Variants in GRB10 observed in about 807,000 individuals in gnomAD.
GRB10 encodes growth factor receptor bound protein 10, also known as growth factor receptor-bound protein 10.
Under a neutral mutation model 80.9 loss-of-function variants are expected in GRB10, and 20 were observed. That is an observed-to-expected ratio of 0.25 (90% CI 0.17 to 0.36). The LOEUF is 0.36. Ranked by LOEUF, GRB10 falls within the 10% of genes least tolerant of loss-of-function variation. The probability of loss-of-function intolerance (pLI) is 1.00; values close to 1 mark genes in which losing one functional copy is unlikely to be tolerated. For missense variants in GRB10, 548 were observed against 747.7 expected, an observed-to-expected ratio of 0.73 and a Z score of 3.12; for synonymous variants, 291 against 291.5, an observed-to-expected ratio of 1.00 and a Z score of 0.02.
intron 5 of GRB10, among the ~76,000 whole-genome samples, chr7:50,678,916 G>A (rs1176551160): frequency 3.3e-5 from 5 of 152,154 alleles, no homozygotes; most frequent in Admixed American, 6.5e-5. Flanking sequence ...AATGCTTCTC[G>A]CAGTGAATAT....
intron 5 of GRB10, among the ~76,000 whole-genome samples, chr7:50,676,789 C>T (rs541479008): frequency 8.5e-5 from 13 of 152,172 alleles, no homozygotes; most frequent in Middle Eastern, 3.4e-3. Context: ...GGGTCACCCC[C>T]GGGGGTAGTG....
At chr7:50,616,830 A>T (rs889940843) in intron 10 of GRB10, among the ~76,000 whole-genome samples, 1 of 152,246 alleles carries the variant, frequency 6.6e-6, no homozygotes, top group Admixed American at 6.5e-5. Flanking sequence ...CTCTTCCCAC[A>T]GGCAGCCTTA....
Position 50,676,348 on chromosome 7 carries a change from G to A in GRB10, c.140-1690C>T, listed in dbSNP as rs1002377690. Among the ~76,000 whole-genome samples the A allele has an allele frequency of 6.0e-4, 90 of 150,540 alleles. 4 individuals carry two copies. The highest frequency in any genetic ancestry group is 2.0e-3 in the African/African-American group (83 of 40,566). ...TGTCCACCCCACCGGGGGGGGGGGG[G>A]GGTTGTAAGGACTAGGTTAGTTATT... On this transcript the variant is annotated intron_variant, in intron 5 of 18. Coordinates refer to ENST00000401949, the MANE Select transcript of GRB10 (RefSeq NM_001350814.2).
intron 11 of GRB10, 130 bp from the exon 12 acceptor site, chr7:50,615,010 T>C (rs2050311323): frequency 1.4e-6 from 1 of 709,178 alleles, no homozygotes; most frequent in Admixed American, 2.0e-5. Flanking sequence ...ATATTACATA[T>C]GATTATTACG....
chr7:50,760,775 T>C (rs1053734919), intron 2 of GRB10, among the ~76,000 whole-genome samples: 7 of 152,212 alleles, frequency 4.6e-5, no homozygotes, highest in Non-Finnish European at 8.8e-5. Context: ...AGTGGGCACG[T>C]GTCTTCACTC....
At chr7:50,651,970 C>A (rs1405839320) in intron 7 of GRB10, among the ~76,000 whole-genome samples, 1 of 152,260 alleles carries the variant, frequency 6.6e-6, no homozygotes, top group Non-Finnish European at 1.5e-5. Flanking sequence ...GGACGCCCAG[C>A]CACACAGGTC....
intron 7 of GRB10, among the ~76,000 whole-genome samples, chr7:50,668,289 C>T (rs1033712932): frequency 6.6e-6 from 1 of 152,106 alleles, no homozygotes; most frequent in Non-Finnish European, 1.5e-5. Flanking sequence ...GGATGGCTGG[C>T]CTGTCTTGCT....
intron 5 of GRB10, among the ~76,000 whole-genome samples, chr7:50,687,903 A>G (rs1441119095): frequency 6.6e-6 from 1 of 152,274 alleles, no homozygotes; most frequent in Non-Finnish European, 1.5e-5. Context: ...ATAGACACTT[A>G]GCACTCAACA....
chr7:50,644,960 T>C (rs753112612), intron 7 of GRB10, among the ~76,000 whole-genome samples: 70 of 152,180 alleles, frequency 4.6e-4, no homozygotes, highest in Non-Finnish European at 7.9e-4. Context: ...AGGCACAGGA[T>C]GGCTAAAACA....
chr7:50,758,368 G>A (rs1040305743), intron 2 of GRB10, among the ~76,000 whole-genome samples: 2 of 152,164 alleles, frequency 1.3e-5, no homozygotes, highest in Non-Finnish European at 2.9e-5. Flanking sequence ...AGTTAGATAC[G>A]ACTTAAACTT....
intron 12 of GRB10, among the ~76,000 whole-genome samples, chr7:50,613,421 T>A (rs1585681404): frequency 6.6e-6 from 1 of 151,982 alleles, no homozygotes; most frequent in East Asian, 1.9e-4. Context: ...GAAGGGGAAG[T>A]AGGCACCATG....
At chr7:50,639,339 A>G (rs1325067096) in intron 7 of GRB10, among the ~76,000 whole-genome samples, 1 of 152,164 alleles carries the variant, frequency 6.6e-6, no homozygotes, top group East Asian at 1.9e-4. Context: ...CCTTTTTTCT[A>G]AAGGAGATAA....
rs758103917 is a variant in GRB10 at position 50,591,452 on chromosome 7, T to C, written c.*1500A>G. The C allele has an allele frequency of 1.3e-5, 2 of 152,156 alleles. No homozygotes were observed. The highest frequency in any genetic ancestry group is 2.4e-5 in the African/African-American group (1 of 41,378). The allele number at this position is 152,156 out of a possible 1,614,324, so 9.4% of individuals were successfully genotyped here. On this transcript the variant is annotated 3_prime_UTR_variant, in exon 19 of 19. Coordinates refer to ENST00000401949, the MANE Select transcript of GRB10 (RefSeq NM_001350814.2). ...CACATTAATAGAAGCCAGGCAGGTG[T>C]TGTCTTGAAAAAGGAAATCATTCTG...
At chr7:50,730,845 T>C (rs1276367386) in intron 4 of GRB10, among the ~76,000 whole-genome samples, 1 of 152,202 alleles carries the variant, frequency 6.6e-6, no homozygotes, top group Non-Finnish European at 1.5e-5. Context: ...GCCTATTCTA[T>C]ACCCAGCCGA....
intron 13 of GRB10, among the ~76,000 whole-genome samples, chr7:50,608,510 T>G (rs1055980851): frequency 6.6e-6 from 1 of 152,142 alleles, no homozygotes; most frequent in Non-Finnish European, 1.5e-5. Flanking sequence ...TGTAGGTGAT[T>G]AAAGAGTATA....
chr7:50,592,216 A>C lies in GRB10; in HGVS notation c.*736T>G, dbSNP rs2045919822. 1 of 154,202 alleles carries C rather than the reference A, an allele frequency of 6.5e-6. No homozygotes were observed. The highest frequency in any genetic ancestry group is 1.4e-5 in the Non-Finnish European group (1 of 69,492). 9.6% of individuals were successfully genotyped at this position (154,202 alleles called of 1,614,324 possible). ...CTGTGCAGAACAAGACACACTAATA[A>C]CAAGAGGATCTGACATCTGAGCATA... On this transcript the variant is annotated 3_prime_UTR_variant, in exon 19 of 19. Coordinates refer to ENST00000401949, the MANE Select transcript of GRB10 (RefSeq NM_001350814.2).
intron 5 of GRB10, among the ~76,000 whole-genome samples, chr7:50,700,032 G>A (rs575639709): frequency 2.2e-4 from 34 of 152,102 alleles, no homozygotes; most frequent in Non-Finnish European, 3.1e-4. Context: ...CCAGCTACTC[G>A]GGAGGCTGAG....
At position 50,616,333 on chromosome 7, in the gene GRB10, G is replaced by T; in HGVS notation, c.861C>A (p.Ser287=). Residue 287 remains serine, a synonymous_variant, in exon 11 of 19, where the codon TCC becomes TCA. Transcript: ENST00000401949. The stretch of plus-strand genomic sequence containing the variant: ...ACCCTTGAATTTCAGGACAACTACT[G>T]GAGTTCAGAAAATTCTGTTGAAGAA... ...QTQLLQNFLN[S]SSCPEIQGFL... The T allele has an allele frequency of 6.2e-7, 1 of 1,614,044 alleles. No homozygotes were observed. Among genetic ancestry groups the T allele is most frequent in the Non-Finnish European group, 8.5e-7 (1 of 1,179,942 alleles).
intron 2 of GRB10, among the ~76,000 whole-genome samples, chr7:50,775,392 C>T (rs1303761291): frequency 1.3e-5 from 2 of 152,156 alleles, no homozygotes; most frequent in Non-Finnish European, 2.9e-5. Context: ...GGCAGCCCTG[C>T]AGCCAACTGC....
Sources: allele counts gnomAD v4.1 joint callset (sites outside exome capture counted in the v4.1 genomes callset), GRCh38; gene constraint gnomAD v4.1.1; transcripts MANE v1.5; gene names NCBI Gene and HGNC (gene_info 2026-07-23, HGNC 2026-07-21).